ANO6: variants seen among roughly 807,000 people sequenced by gnomAD.
ANO6 encodes the protein anoctamin 6.
In ANO6, 106 loss-of-function variants were observed where a neutral mutation model predicts 117.5. That is an observed-to-expected ratio of 0.90 (90% confidence interval 0.77 to 1.06). The LOEUF (loss-of-function observed/expected upper bound fraction) is 1.06. Ranked by LOEUF, ANO6 falls within the 50% of genes least tolerant of loss-of-function variation. The pLI is 0.00. For synonymous variants in ANO6, 367 were observed against 385.1 expected (o/e 0.95, Z 0.55); for missense variants, 955 against 1,121.1 (o/e 0.85, Z 2.12).
chr12:45,382,463 AGTACCCAT>A (rs1423811039), intron 10 of ANO6, among the ~76,000 whole-genome samples: 2 of 152,232 alleles, frequency 1.3e-5, no homozygotes, highest in African/African-American at 4.8e-5. Context: ...AAGGTAGAAG[AGTACCCAT>A]GATAATTCCT....
intron 15 of ANO6, among the ~76,000 whole-genome samples, chr12:45,405,577 C>T (rs1042182610): frequency 8.5e-5 from 13 of 152,118 alleles, no homozygotes; most frequent in Non-Finnish European, 8.8e-5. Flanking sequence ...TGTGTAGGTG[C>T]CAGTTTTCTT....
intron 1 of ANO6, among the ~76,000 whole-genome samples, chr12:45,264,397 C>A (rs1425407354): frequency 6.6e-6 from 1 of 152,156 alleles, no homozygotes; most frequent in East Asian, 1.9e-4. Context: ...TCATCTTGGC[C>A]TCTTTGTTTC....
chr12:45,261,543 T>C (rs1938034364), intron 1 of ANO6, among the ~76,000 whole-genome samples: 1 of 152,258 alleles, frequency 6.6e-6, no homozygotes, highest in South Asian at 2.1e-4. Flanking sequence ...CACTCACAGT[T>C]GTATGCATGA....
intron 1 of ANO6, among the ~76,000 whole-genome samples, chr12:45,233,524 T>C (rs1947604472): frequency 1.3e-5 from 2 of 152,202 alleles, no homozygotes; most frequent in Non-Finnish European, 2.9e-5. Flanking sequence ...TTGGGAATAT[T>C]GTCTTTATAA....
intron 1 of ANO6, among the ~76,000 whole-genome samples, chr12:45,297,275 T>C (rs185585070): frequency 1.1e-4 from 17 of 152,326 alleles, no homozygotes; most frequent in African/African-American, 2.6e-4. Flanking sequence ...TAGTGCTAAG[T>C]TGGATAAATT....
chr12:45,374,790 A>G (rs1209074829), intron 9 of ANO6, among the ~76,000 whole-genome samples: 91 of 152,172 alleles, frequency 6.0e-4, no homozygotes, highest in Admixed American at 9.8e-4. Flanking sequence ...TTGAAAACTG[A>G]CACAAGACAG....
chr12:45,284,296 C>G lies in ANO6; in HGVS notation c.71-17718C>G, dbSNP rs191043097. On this transcript the variant is annotated intron_variant, in intron 1 of 19. Coordinates refer to ENST00000320560, the MANE Select transcript of ANO6 (RefSeq NM_001025356.3). ...ATGTGGATTTTAACCTACAGTCAAA[C>G]AGTGTAGATCAGATAAGTACTTTAT... is the stretch of plus-strand genomic sequence containing the variant. 9.9e-5 allele frequency among the ~76,000 whole-genome samples: 15 copies of G among 152,282 alleles called. No homozygotes were observed. The East Asian group carries it at 2.5e-3, about 25-fold the overall frequency.
chr12:45,338,259 C>T (rs1940882762), intron 3 of ANO6, among the ~76,000 whole-genome samples: 1 of 152,010 alleles, frequency 6.6e-6, no homozygotes, highest in Non-Finnish European at 1.5e-5. Context: ...AAAAATTTGT[C>T]TCATGAATCC....
chr12:45,261,942 A>C (rs1346181705), intron 1 of ANO6, among the ~76,000 whole-genome samples: 2 of 152,226 alleles, frequency 1.3e-5, no homozygotes, highest in Admixed American at 6.5e-5. Flanking sequence ...CAGTGAAGGC[A>C]AGCACAAATG....
chr12:45,281,228 G>A (rs1217259998), intron 1 of ANO6, among the ~76,000 whole-genome samples: 1 of 152,166 alleles, frequency 6.6e-6, no homozygotes, highest in Admixed American at 6.5e-5. Context: ...GCTAACTACT[G>A]AGGTTCTACA....
chr12:45,367,612 T>G (rs1406364190), intron 8 of ANO6, 76 bp from the exon 9 acceptor site: 22 of 1,182,054 alleles, frequency 1.9e-5, no homozygotes, highest in Middle Eastern at 4.7e-4. Context: ...GTTTTGTTTC[T>G]TATTGTGAAT....
chr12:45,241,332 T>C (rs1947740332), intron 1 of ANO6, among the ~76,000 whole-genome samples: 2 of 152,250 alleles, frequency 1.3e-5, no homozygotes, highest in Non-Finnish European at 2.9e-5. Context: ...TTTCTTCCAC[T>C]TGATCAAATC....
intron 1 of ANO6, among the ~76,000 whole-genome samples, chr12:45,231,326 G>C (rs957332096): frequency 6.6e-6 from 1 of 152,118 alleles, no homozygotes; most frequent in Admixed American, 6.5e-5. Flanking sequence ...TGCAAAATAG[G>C]TACGTGAATT....
intron 9 of ANO6, among the ~76,000 whole-genome samples, chr12:45,373,792 A>G (rs945885885): frequency 6.6e-6 from 1 of 152,180 alleles, no homozygotes; most frequent in Admixed American, 6.5e-5. Flanking sequence ...TAACATCACA[A>G]TTAAAAGAAC....
intron 1 of ANO6, among the ~76,000 whole-genome samples, chr12:45,254,786 G>A (rs1323196601): frequency 6.6e-6 from 1 of 152,134 alleles, no homozygotes; most frequent in Non-Finnish European, 1.5e-5. Context: ...TAACAATGAA[G>A]TAGAAATATG....
At chr12:45,403,621 A>G in intron 15 of ANO6, 85 bp downstream of exon 15, 2 of 1,033,080 alleles carry the variant, frequency 1.9e-6, no homozygotes, top group South Asian at 1.4e-5. Flanking sequence ...ACATAGCCAC[A>G]TAGCCACATA....
chr12:45,218,381 T>C (rs1282082365), intron 1 of ANO6, among the ~76,000 whole-genome samples: 1 of 149,794 alleles, frequency 6.7e-6, no homozygotes, highest in East Asian at 2.0e-4. Flanking sequence ...TTTCTGTTTC[T>C]TTCTTTCTCT....
chr12:45,353,949 A>G (rs1297839372), intron 7 of ANO6, among the ~76,000 whole-genome samples: 1 of 152,204 alleles, frequency 6.6e-6, no homozygotes, highest in Non-Finnish European at 1.5e-5. Context: ...CATAGAGCAA[A>G]ACTTATAAAG....
Position 45,409,600 on chromosome 12 carries a change from A to G in ANO6, c.2011+113A>G, listed in dbSNP as rs147942950. 52 of 1,304,594 alleles carry G rather than the reference A, an allele frequency of 4.0e-5. No individual in the cohort carries two copies. In the East Asian group the frequency reaches 1.2e-3, roughly 31 times the overall value. The allele number at this position is 1,304,594 out of a possible 1,614,324, so 80.8% of individuals were successfully genotyped here. A position where few individuals can be genotyped will look rare whatever the true frequency, so the allele number is the denominator to read the frequency against. On this transcript the variant is annotated intron_variant, in intron 16 of 19. Coordinates refer to ENST00000320560, the MANE Select transcript of ANO6 (RefSeq NM_001025356.3). The stretch of plus-strand genomic sequence containing the variant: ...CATTTAGCATATTGAAATGAAGAAG[A>G]GTATGTTTTTCTCCACTAGATAAAA...
Sources: gnomAD v4.1 joint callset for allele counts (sites outside exome capture counted in the v4.1 genomes callset) on GRCh38, gnomAD v4.1.1 for gene constraint, MANE v1.5 for transcripts, NCBI Gene and HGNC (gene_info 2026-07-23, HGNC 2026-07-21) for gene names.